The following TRIP13 variants were observed in gnomAD, a reference collection of about 807,000 sequenced individuals.
The protein encoded by TRIP13 is pachytene checkpoint protein 2 homolog.
Under a neutral mutation model 54.4 loss-of-function variants are expected in TRIP13, and 25 were observed. The observed-to-expected ratio is 0.46, with a 90% CI of 0.33 to 0.64. TRIP13 has a LOEUF of 0.64. TRIP13 is among the 30% of genes least tolerant of loss of function. TRIP13 has a pLI of 0.02. For missense variants in TRIP13, 373 were observed against 534.2 expected, an observed-to-expected ratio of 0.70 and a Z score of 2.97; for synonymous variants, 207 against 207.8, an observed-to-expected ratio of 1.00 and a Z score of 0.03.
intron 3 of TRIP13, among the ~76,000 whole-genome samples, chr5:900,175 T>G (rs2011292): frequency 0.31 from 47,830 of 152,198 alleles, 13,778 homozygotes; most frequent in African/African-American, 0.76. Flanking sequence ...CAACAATACC[T>G]TAAAGAAGGA....
Position 912,607 on chromosome 5 carries a change from GAGTC to G in TRIP13, c.1020+614_1020+617del, listed in dbSNP as rs1754261701. 1.3e-5 allele frequency among the ~76,000 whole-genome samples: 2 copies of G among 151,944 alleles called. No homozygotes were observed. Among genetic ancestry groups the G allele is most frequent in the South Asian group, 4.2e-4 (2 of 4,800 alleles). On this transcript the variant is annotated intron_variant, in intron 10 of 12. Coordinates refer to ENST00000166345, the MANE Select transcript of TRIP13 (RefSeq NM_004237.4). The surrounding 1 kb of genome is among the most constrained non-coding windows in gnomAD (Gnocchi z 7.2). Reference sequence around the variant, plus strand: ...GGGCACAGTGACGTGCGGTGAGTGTGAGTCAGGAGGGCCGTCGCCACGGGCACAA... The same window carrying G: ...GGGCACAGTGACGTGCGGTGAGTGTGAGGAGGGCCGTCGCCACGGGCACAA...
In TRIP13 at chr5:900,657, G is replaced by A. The variant is rs184403015; in HGVS notation, c.444+108G>A. The stretch of plus-strand genomic sequence containing the variant: ...ACTTGATGCAGATGGGTTTTTGGGA[G>A]CCCCTGTCTGCTGGCAGCCCTTGTC... On this transcript the variant is annotated intron_variant, in intron 4 of 12. Coordinates refer to ENST00000166345, the MANE Select transcript of TRIP13 (RefSeq NM_004237.4). The A allele has an allele frequency of 1.5e-4, 175 of 1,140,070 alleles. 1 individual carries two copies. In the African/African-American group the frequency reaches 2.4e-3, roughly 16 times the overall value. 70.6% of individuals were successfully genotyped at this position (1,140,070 alleles called of 1,614,324 possible). A position where few individuals can be genotyped will look rare whatever the true frequency, so the allele number is the denominator to read the frequency against.
chr5:907,880 CAG>C lies in TRIP13; in HGVS notation c.673-107_673-106del. ...AGCTTTCTGAGGGGCCGTCAGGAGACAGTGGGCTTGTGGGGACAACTGGGGCA... is the reference window on the plus strand; with the variant it reads ...AGCTTTCTGAGGGGCCGTCAGGAGACTGGGCTTGTGGGGACAACTGGGGCA... On this transcript the variant is annotated intron_variant, in intron 7 of 12. Transcript: ENST00000166345. This position sits in a 1 kb window ranked among gnomAD's most constrained non-coding sequence, Gnocchi z 4.1. 1 of 1,104,052 alleles carries C rather than the reference CAG, an allele frequency of 9.1e-7. No homozygotes were observed. Among genetic ancestry groups the C allele is most frequent in the Non-Finnish European group, 1.4e-6 (1 of 726,694 alleles). 68.4% of individuals were successfully genotyped at this position (1,104,052 alleles called of 1,614,324 possible).
chr5:899,918 G>T (rs1664332), intron 3 of TRIP13, among the ~76,000 whole-genome samples: 7 of 137,614 alleles, frequency 5.1e-5, no homozygotes, highest in African/African-American at 8.3e-5. Context: ...GCTTCATTCA[G>T]TCAGTGTGTG....
chr5:901,120 T>A (rs1321896449), intron 4 of TRIP13, among the ~76,000 whole-genome samples: 1 of 152,246 alleles, frequency 6.6e-6, no homozygotes, highest in African/African-American at 2.4e-5. Flanking sequence ...GTTGCTCTTC[T>A]TATATTTATA....
chr5:914,629 A>G, intron 11 of TRIP13, 52 bp downstream of exon 11: 1 of 1,444,150 alleles, frequency 6.9e-7, no homozygotes, highest in Non-Finnish European at 9.7e-7. Context: ...TGTGATATTA[A>G]CTAGGGAGTC....
rs773395651 is a variant in TRIP13, at chr5:913,900, C to T, written c.1021-565C>T. Among the ~76,000 whole-genome samples, 1 of 152,184 alleles carries T rather than the reference C, an allele frequency of 6.6e-6. No individual in the cohort carries two copies. The highest frequency in any genetic ancestry group is 1.5e-5 in the Non-Finnish European group (1 of 68,034). ...CAGTCATAGTAAGTCAGTGTGCGCA[C>T]CTGACTGTTGGCAAGGCTGCTTGGA... On this transcript the variant is annotated intron_variant, in intron 10 of 12. Coordinates refer to ENST00000166345, the MANE Select transcript of TRIP13 (RefSeq NM_004237.4). This position sits in a 1 kb window ranked among gnomAD's most constrained non-coding sequence, Gnocchi z 4.5.
chr5:910,551 C>T (rs1406920975), intron 9 of TRIP13, among the ~76,000 whole-genome samples: 1 of 152,200 alleles, frequency 6.6e-6, no homozygotes, highest in Non-Finnish European at 1.5e-5. Flanking sequence ...CGCTGTGCAC[C>T]TGCCACTCAA....
chr5:896,594 T>A, intron 2 of TRIP13, 71 bp from the exon 3 acceptor site: 2 of 1,516,984 alleles, frequency 1.3e-6, no homozygotes, highest in Non-Finnish European at 1.8e-6. Context: ...GACCTTAACA[T>A]CTAATTTGTA....
At chr5:901,868 C>T (rs528137399) in intron 5 of TRIP13, among the ~76,000 whole-genome samples, 11 of 152,298 alleles carry the variant, frequency 7.2e-5, no homozygotes, top group African/African-American at 2.6e-4. Flanking sequence ...GGTGATCCGC[C>T]CGCCTCAGCC....
intron 9 of TRIP13, among the ~76,000 whole-genome samples, chr5:909,949 G>A (rs540262576): frequency 2.2e-4 from 34 of 152,340 alleles, no homozygotes; most frequent in Middle Eastern, 3.4e-3. Context: ...TAGTGTGGGC[G>A]TTATGGCCAT....
rs1375487542 is a variant in TRIP13 at position 908,949 on chromosome 5, C to T, written c.866+488C>T. ...CTCCAGCCTGGGTGACAGAGCAAGA[C>T]TCCGTCTCAGAAAAAAAAAATGTGA... On this transcript the variant is annotated intron_variant, in intron 9 of 12. Transcript: ENST00000166345. The surrounding 1 kb of genome is among the most constrained non-coding windows in gnomAD (Gnocchi z 5.2). 2 of 158,212 alleles carry T rather than the reference C, an allele frequency of 1.3e-5. No homozygotes were observed. Among genetic ancestry groups the T allele is most frequent in the African/African-American group, 4.8e-5 (2 of 41,520 alleles). The allele number at this position is 158,212 out of a possible 1,614,324, so 9.8% of individuals were successfully genotyped here. A position where few individuals can be genotyped will look rare whatever the true frequency, so the allele number is the denominator to read the frequency against.
intron 5 of TRIP13, among the ~76,000 whole-genome samples, chr5:902,428 A>T (rs932305483): frequency 2.0e-4 from 30 of 152,244 alleles, no homozygotes; most frequent in African/African-American, 6.8e-4. Flanking sequence ...AGGTGTTTTA[A>T]TTAGTGAAAT....
Position 911,659 on chromosome 5 carries a change from G to T in TRIP13, c.867-184G>T, listed in dbSNP as rs1030207012. 6.6e-6 allele frequency among the ~76,000 whole-genome samples: 1 copy of T among 152,154 alleles called. No individual in the cohort carries two copies. Among genetic ancestry groups the T allele is most frequent in the African/African-American group, 2.4e-5 (1 of 41,426 alleles). On this transcript the variant is annotated intron_variant, in intron 9 of 12. Coordinates refer to ENST00000166345, the MANE Select transcript of TRIP13 (RefSeq NM_004237.4). The surrounding 1 kb of genome is among the most constrained non-coding windows in gnomAD (Gnocchi z 4.7). ...AGTGGGGCTGTAGAATTCCCAGAAG[G>T]CCAAGGAGCAGCGAGAGCAAAGGCT... is the stretch of plus-strand genomic sequence containing the variant.
Position 915,837 on chromosome 5 carries a change from G to C in TRIP13, c.1134-67G>C, listed in dbSNP as rs1754330017. Reference sequence around the variant, plus strand: ...TTCCCAGGGATGCCTCGGCCAATGAGGAAAATTAGTCCTGAAACGTGTGAT... The same window carrying C: ...TTCCCAGGGATGCCTCGGCCAATGACGAAAATTAGTCCTGAAACGTGTGAT... On this transcript the variant is annotated intron_variant, in intron 11 of 12. Coordinates refer to ENST00000166345, the MANE Select transcript of TRIP13 (RefSeq NM_004237.4). The surrounding 1 kb of genome is among the most constrained non-coding windows in gnomAD (Gnocchi z 4.2). The C allele has an allele frequency of 2.5e-6, 4 of 1,574,550 alleles. No individual in the cohort carries two copies. The Admixed American group carries it at 6.7e-5, about 26-fold the overall frequency.
Position 911,710 on chromosome 5 carries a change from C to A in TRIP13, c.867-133C>A. On this transcript the variant is annotated intron_variant, in intron 9 of 12. Transcript: ENST00000166345. This position sits in a 1 kb window ranked among gnomAD's most constrained non-coding sequence, Gnocchi z 4.7. ...GGGGGGTCTGCGTGGCCTGTGTTGG[C>A]ACAAGGCCACTTTCCTTCCTGTTGG... The A allele has an allele frequency of 8.4e-7, 1 of 1,188,930 alleles. No individual in the cohort carries two copies. Among genetic ancestry groups the A allele is most frequent in the Non-Finnish European group, 1.1e-6 (1 of 873,092 alleles). 73.6% of individuals were successfully genotyped at this position (1,188,930 alleles called of 1,614,324 possible).
chr5:894,774 CTTCT>C lies in TRIP13; in HGVS notation c.93-10_93-7del. The stretch of plus-strand genomic sequence containing the variant: ...CTAAGATCATTTATGTGTGTTTTGG[CTTCT>C]TTTTTTAGCACTGCAAAGAAAGAAG... On this transcript the variant is annotated splice_polypyrimidine_tract_variant and intron_variant, in intron 1 of 12. Transcript: ENST00000166345. 2 of 1,586,180 alleles carry C rather than the reference CTTCT, an allele frequency of 1.3e-6. No individual in the cohort carries two copies. The highest frequency in any genetic ancestry group is 2.2e-5 in the East Asian group (1 of 44,464).
At position 908,533 on chromosome 5, in the gene TRIP13, G is replaced by T; in HGVS notation, c.866+72G>T. ...TGTCCCAAAGAAATGCGTGATACTTGTGCAACCCTAGATCTTAGTGCCCAG... is the reference window on the plus strand; with the variant it reads ...TGTCCCAAAGAAATGCGTGATACTTTTGCAACCCTAGATCTTAGTGCCCAG... On this transcript the variant is annotated intron_variant, in intron 9 of 12. Coordinates refer to ENST00000166345, the MANE Select transcript of TRIP13 (RefSeq NM_004237.4). The surrounding 1 kb of genome is among the most constrained non-coding windows in gnomAD (Gnocchi z 5.2). 6.3e-7 allele frequency: 1 copy of T among 1,594,810 alleles called. No individual in the cohort carries two copies. The highest frequency in any genetic ancestry group is 8.5e-7 in the Non-Finnish European group (1 of 1,172,080).
In TRIP13 at chr5:892,970, G is replaced by T. The variant is rs1270132306; in HGVS notation, c.-29G>T. ...GTGAGGTGGCGGCGGCCGCGCCCTG[G>T]TTGGGTCCCCACTGCTCTCGGGGGC... On this transcript the variant is annotated 5_prime_UTR_variant, in exon 1 of 13. Transcript: ENST00000166345. The T allele has an allele frequency of 1.3e-6, 2 of 1,506,730 alleles. No homozygotes were observed. The highest frequency in any genetic ancestry group is 1.8e-6 in the Non-Finnish European group (2 of 1,132,206). 93.3% of individuals were successfully genotyped at this position (1,506,730 alleles called of 1,614,324 possible). A position where few individuals can be genotyped will look rare whatever the true frequency, so the allele number is the denominator to read the frequency against.
Sources: allele counts gnomAD v4.1 joint callset (sites outside exome capture counted in the v4.1 genomes callset), GRCh38; gene constraint gnomAD v4.1.1; non-coding constraint Gnocchi (gnomAD v3.1); transcripts MANE v1.5; gene names NCBI Gene and HGNC (gene_info 2026-07-23, HGNC 2026-07-21).